The following DENND4A variants were observed in gnomAD, a reference collection of about 807,000 sequenced individuals.
DENND4A encodes C-myc promoter-binding protein.
DENND4A carries 70 observed loss-of-function variants against 199.3 expected under a neutral mutation model. That is an observed-to-expected ratio of 0.35 (90% CI 0.29 to 0.43). The LOEUF (loss-of-function observed/expected upper bound fraction) is 0.43. Ranked by LOEUF, DENND4A falls within the 20% of genes least tolerant of loss-of-function variation. The probability of loss-of-function intolerance (pLI) is 1.00; values close to 1 mark genes in which losing one functional copy is unlikely to be tolerated. For synonymous variants in DENND4A, 686 were observed against 766.9 expected (o/e 0.89, Z 1.74); for missense variants, 1,723 against 2,255.8 (o/e 0.76, Z 4.78).
At chr15:65,728,192 A>G (rs930870978) in intron 11 of DENND4A, among the ~76,000 whole-genome samples, 9 of 151,930 alleles carry the variant, frequency 5.9e-5, no homozygotes, top group Non-Finnish European at 5.9e-5. Context: ...TAGTAGAGAC[A>G]GGGTTTTACC....
chr15:65,784,670 T>C lies in DENND4A; in HGVS notation c.-102+7340A>G, dbSNP rs988779391. Among the ~76,000 whole-genome samples, 3 of 152,158 alleles carry C rather than the reference T, an allele frequency of 2.0e-5. No homozygotes were observed. The East Asian group carries it at 5.8e-4, about 29-fold the overall frequency. ...ATACAGGTAGTATTGTGCAAAATAA[T>C]CTCAACATTGATGAACCATTTATAA... On this transcript the variant is annotated intron_variant, in intron 1 of 32. Transcript: ENST00000443035.
intron 23 of DENND4A, among the ~76,000 whole-genome samples, chr15:65,681,468 G>A (rs540520150): frequency 6.6e-5 from 10 of 152,032 alleles, no homozygotes; most frequent in Non-Finnish European, 1.3e-4. Flanking sequence ...AAAAGTAAAA[G>A]CGACTCCTTG....
chr15:65,725,197 C>G lies in DENND4A; in HGVS notation c.1488-2249G>C, dbSNP rs187775997. ...ATTTACTCATGATGACTTCCACTTACAAGATTACTACATTATTTTATGACA... is the reference window on the plus strand; with the variant it reads ...ATTTACTCATGATGACTTCCACTTAGAAGATTACTACATTATTTTATGACA... On this transcript the variant is annotated intron_variant, in intron 11 of 32. Transcript: ENST00000443035. 1.8e-3 allele frequency among the ~76,000 whole-genome samples: 271 copies of G among 152,226 alleles called. 1 individual carries two copies. Among genetic ancestry groups the G allele is most frequent in the African/African-American group, 6.1e-3 (253 of 41,532 alleles).
In DENND4A at chr15:65,676,141, A is replaced by AATATATATATAT. The variant is rs57613461; in HGVS notation, c.4369+292_4369+303dup. 2.9e-3 allele frequency among the ~76,000 whole-genome samples: 320 copies of AATATATATATAT among 110,426 alleles called. 3 individuals carry two copies. Among genetic ancestry groups the AATATATATATAT allele is most frequent in the African/African-American group, 8.6e-3 (283 of 32,806 alleles). The allele number at this position is 110,426 out of a possible 152,430, so 72.4% of individuals were successfully genotyped here. A position where few individuals can be genotyped will look rare whatever the true frequency, so the allele number is the denominator to read the frequency against. On this transcript the variant is annotated intron_variant, in intron 24 of 32. Coordinates refer to ENST00000443035, the MANE Select transcript of DENND4A (RefSeq NM_001320835.1). ...AGAAGACAGGGAAGTAATAAGGAAA[A>AATATATATATAT]ATATATATATATATATATATATATA... is the stretch of plus-strand genomic sequence containing the variant.
intron 4 of DENND4A, among the ~76,000 whole-genome samples, chr15:65,750,032 T>C (rs1441814095): frequency 6.6e-6 from 1 of 152,176 alleles, no homozygotes; most frequent in Non-Finnish European, 1.5e-5. Flanking sequence ...TTGTACTTTC[T>C]GGAATACTAT....
At chr15:65,774,870 T>A (rs2077237678) in intron 1 of DENND4A, among the ~76,000 whole-genome samples, 1 of 73,664 alleles carries the variant, frequency 1.4e-5, no homozygotes, top group Admixed American at 1.3e-4. Flanking sequence ...AATGTTTACT[T>A]TTTTTTTTTT....
At chr15:65,772,398 T>C (rs1293571313) in intron 1 of DENND4A, among the ~76,000 whole-genome samples, 1 of 151,856 alleles carries the variant, frequency 6.6e-6, no homozygotes, top group African/African-American at 2.4e-5. Flanking sequence ...TCCGAACCAA[T>C]CATGAAAGCA....
intron 2 of DENND4A, among the ~76,000 whole-genome samples, chr15:65,756,870 T>C (rs1478737127): frequency 6.6e-6 from 1 of 152,082 alleles, no homozygotes; most frequent in Non-Finnish European, 1.5e-5. Flanking sequence ...ACCTTGTCTC[T>C]ACTAAAAATA....
At chr15:65,756,727 A>G (rs2076711424) in intron 2 of DENND4A, among the ~76,000 whole-genome samples, 1 of 152,346 alleles carries the variant, frequency 6.6e-6, no homozygotes, top group South Asian at 2.1e-4. Flanking sequence ...TAGACAACAA[A>G]AAGAGATCTT....
intron 8 of DENND4A, 88 bp downstream of exon 8, chr15:65,732,664 C>T: frequency 2.6e-6 from 2 of 782,426 alleles, no homozygotes; most frequent in South Asian, 1.8e-5. Context: ...GGTTTTTTTC[C>T]TCATTCAGAA....
chr15:65,748,890 G>T (rs1472238619), intron 4 of DENND4A, among the ~76,000 whole-genome samples: 2 of 151,200 alleles, frequency 1.3e-5, no homozygotes, highest in Non-Finnish European at 2.9e-5. Context: ...CTGCTCGAGA[G>T]GCCAAAGTGG....
chr15:65,720,979 A>ATATATATATATATATATATATATATG (rs2075617799), intron 12 of DENND4A, among the ~76,000 whole-genome samples: 1 of 110,078 alleles, frequency 9.1e-6, no homozygotes, highest in Non-Finnish European at 2.0e-5. Context: ...ATATATATAT[A>ATATATATATATATATATATATATATG]TATTTGTACT....
intron 27 of DENND4A, 91 bp from the exon 28 acceptor site, chr15:65,668,214 T>C: frequency 2.0e-6 from 2 of 985,138 alleles, no homozygotes; most frequent in Admixed American, 3.4e-5. Context: ...CTCTCTCTTT[T>C]TTTTTTTTTT....
At chr15:65,766,263 A>G (rs1189998588) in intron 1 of DENND4A, among the ~76,000 whole-genome samples, 2 of 152,008 alleles carry the variant, frequency 1.3e-5, no homozygotes, top group Non-Finnish European at 2.9e-5. Context: ...AAAAAAAAAA[A>G]AAAAATAGAT....
chr15:65,750,160 G>A (rs978796055), intron 4 of DENND4A, among the ~76,000 whole-genome samples: 2 of 152,094 alleles, frequency 1.3e-5, no homozygotes, highest in African/African-American at 2.4e-5. Flanking sequence ...CATAAAAAAA[G>A]AATGAAATCA....
intron 14 of DENND4A, chr15:65,715,077 A>T (rs571947081): frequency 6.3e-6 from 1 of 158,374 alleles, no homozygotes; most frequent in South Asian, 1.9e-4. Flanking sequence ...CAATTGTAGA[A>T]ATATTCAGGT....
At chr15:65,711,818 T>C (rs531516122) in intron 14 of DENND4A, among the ~76,000 whole-genome samples, 2 of 152,318 alleles carry the variant, frequency 1.3e-5, no homozygotes, top group African/African-American at 4.8e-5. Flanking sequence ...ACAAAATTAA[T>C]ACTTCGTTGT....
chr15:65,780,207 T>G (rs1271381753), intron 1 of DENND4A, among the ~76,000 whole-genome samples: 2 of 152,230 alleles, frequency 1.3e-5, no homozygotes, highest in Non-Finnish European at 2.9e-5. Context: ...AGGCCCATTC[T>G]GTGCTCTTGT....
At chr15:65,746,975 G>A (rs930014009) in intron 4 of DENND4A, among the ~76,000 whole-genome samples, 4 of 150,920 alleles carry the variant, frequency 2.7e-5, no homozygotes, top group Non-Finnish European at 5.9e-5. Context: ...GCGTGGTGGC[G>A]CATGCCTGTA....
Sources: gnomAD v4.1 joint callset for allele counts (sites outside exome capture counted in the v4.1 genomes callset) on GRCh38, gnomAD v4.1.1 for gene constraint, MANE v1.5 for transcripts, NCBI Gene and HGNC (gene_info 2026-07-23, HGNC 2026-07-21) for gene names.